The following THSD7B variants were observed in gnomAD, a reference collection of about 807,000 sequenced individuals.
THSD7B encodes thrombospondin type 1 domain containing 7B.
In THSD7B, 138 loss-of-function variants were observed where a neutral mutation model predicts 213.6. The ratio of observed to expected loss-of-function variants is 0.65; its 90% CI spans 0.56 to 0.74. The LOEUF (loss-of-function observed/expected upper bound fraction) is 0.74. Ranked by LOEUF, THSD7B falls within the 30% of genes least tolerant of loss-of-function variation. The pLI is 0.00. For synonymous variants in THSD7B, 742 were observed against 687.0 expected, an observed-to-expected ratio of 1.08 and a Z score of -1.25; for missense variants, 1,931 against 1,991.5, an observed-to-expected ratio of 0.97 and a Z score of 0.58.
intron 10 of THSD7B, 104 bp from the exon 11 acceptor site, chr2:137,272,429 T>G: frequency 5.8e-6 from 7 of 1,208,928 alleles, no homozygotes; most frequent in Non-Finnish European, 7.8e-6. Context: ...ACTTTCCACA[T>G]GTGCTTACTT....
intron 5 of THSD7B, among the ~76,000 whole-genome samples, chr2:137,153,820 T>C (rs1379519396): frequency 1.3e-5 from 2 of 152,136 alleles, no homozygotes; most frequent in African/African-American, 4.8e-5. Context: ...AAGGGCAATA[T>C]TGTTTCTCAA....
chr2:137,312,285 T>C (rs1683934842), intron 12 of THSD7B, among the ~76,000 whole-genome samples: 1 of 152,182 alleles, frequency 6.6e-6, no homozygotes. Flanking sequence ...TTTTCTAGTT[T>C]ATTTGCGTAG....
At chr2:136,769,821 GA>G (rs1338298302) in intron 1 of THSD7B, among the ~76,000 whole-genome samples, 2 of 151,984 alleles carry the variant, frequency 1.3e-5, no homozygotes, top group Non-Finnish European at 2.9e-5. Context: ...GTGAAAGTGT[GA>G]AAATGTTTCC....
chr2:137,388,343 G>C (rs774740870), intron 12 of THSD7B, among the ~76,000 whole-genome samples: 3 of 148,164 alleles, frequency 2.0e-5, no homozygotes, highest in Non-Finnish European at 4.5e-5. Flanking sequence ...AAAAGTAACA[G>C]TAAAAAAAAA....
chr2:137,473,685 G>A (rs1412046340), intron 15 of THSD7B, among the ~76,000 whole-genome samples: 2 of 152,198 alleles, frequency 1.3e-5, no homozygotes, highest in East Asian at 1.9e-4. Context: ...GTACAGTTCT[G>A]TGCCACTCTT....
chr2:137,515,028 C>T lies in THSD7B; in HGVS notation c.3139-48193C>T, dbSNP rs181254918. The stretch of plus-strand genomic sequence containing the variant: ...AGAGTCTTATCTCCTGTAGAGAAAG[C>T]GCTGAAATTTTGGAACACCAGACAC... On this transcript the variant is annotated intron_variant, in intron 15 of 27. Transcript: ENST00000409968. Among the ~76,000 whole-genome samples, 211 of 152,226 alleles carry T rather than the reference C, an allele frequency of 1.4e-3. 1 individual carries two copies. Among genetic ancestry groups the T allele is most frequent in the Non-Finnish European group, 5.1e-4 (35 of 68,020 alleles).
At chr2:136,995,965 A>G (rs1377742780) in intron 2 of THSD7B, among the ~76,000 whole-genome samples, 1 of 152,202 alleles carries the variant, frequency 6.6e-6, no homozygotes, top group Non-Finnish European at 1.5e-5. Context: ...AGCTCTCACT[A>G]CTTGATCCAC....
rs1222423395 is a variant in THSD7B at position 137,012,277 on chromosome 2, A to G, written c.140-44143A>G. Reference sequence around the variant, plus strand: ...AGAAATTATCAGTCTAGGATGATCCAGAGTTTGGGGAGTCTGACCACTTTA... The same window carrying G: ...AGAAATTATCAGTCTAGGATGATCCGGAGTTTGGGGAGTCTGACCACTTTA... On this transcript the variant is annotated intron_variant, in intron 2 of 27. Transcript: ENST00000409968. 2.0e-5 allele frequency among the ~76,000 whole-genome samples: 3 copies of G among 152,230 alleles called. No homozygotes were observed. The East Asian group carries it at 5.8e-4, about 29-fold the overall frequency.
intron 2 of THSD7B, among the ~76,000 whole-genome samples, chr2:136,996,924 G>A (rs1258958440): frequency 6.6e-6 from 1 of 151,954 alleles, no homozygotes; most frequent in East Asian, 1.9e-4. Context: ...TTGGAGAGTG[G>A]GTTATCTTTA....
At chr2:137,133,732 C>T (rs1225692597) in intron 5 of THSD7B, among the ~76,000 whole-genome samples, 1 of 152,122 alleles carries the variant, frequency 6.6e-6, no homozygotes, top group Non-Finnish European at 1.5e-5. Context: ...AATTAATTTT[C>T]CTAGTGTATT....
At chr2:136,816,954 TATTA>T (rs1374426902) in intron 1 of THSD7B, among the ~76,000 whole-genome samples, 3 of 152,208 alleles carry the variant, frequency 2.0e-5, no homozygotes, top group African/African-American at 4.8e-5. Flanking sequence ...TGAACTTTCT[TATTA>T]ATTCTAAAAG....
chr2:137,675,675 G>A (rs777679628), intron 27 of THSD7B, among the ~76,000 whole-genome samples: 1 of 151,954 alleles, frequency 6.6e-6, no homozygotes, highest in Admixed American at 6.6e-5. Flanking sequence ...AGTATGCATC[G>A]AATAAGCAAT....
chr2:136,977,301 T>C (rs1685496869), intron 2 of THSD7B, among the ~76,000 whole-genome samples: 1 of 152,200 alleles, frequency 6.6e-6, no homozygotes, highest in African/African-American at 2.4e-5. Flanking sequence ...CCTTTATCAT[T>C]TTTTATTGTA....
In THSD7B at chr2:137,438,434, C is replaced by T. The variant is rs550517921; in HGVS notation, c.2960-12411C>T. Among the ~76,000 whole-genome samples, 4 of 152,176 alleles carry T rather than the reference C, an allele frequency of 2.6e-5. 1 individual carries two copies. Among genetic ancestry groups the T allele is most frequent in the African/African-American group, 9.6e-5 (4 of 41,528 alleles). ...ATTTGATAGCATTTTCTATAAAAGT[C>T]TAGATAGTATATATATTCAACTTTG... On this transcript the variant is annotated intron_variant, in intron 14 of 27. Coordinates refer to ENST00000409968, the MANE Select transcript of THSD7B (RefSeq NM_001316349.2).
At chr2:136,983,503 T>C (rs1416410299) in intron 2 of THSD7B, among the ~76,000 whole-genome samples, 2 of 77,182 alleles carry the variant, frequency 2.6e-5, no homozygotes, top group Non-Finnish European at 4.8e-5. Flanking sequence ...GTAAAATCTG[T>C]TTTTTTTTTT....
At chr2:137,347,969 C>CA (rs796129854) in intron 12 of THSD7B, among the ~76,000 whole-genome samples, 3,078 of 139,968 alleles carry the variant, frequency 0.022, 90 homozygotes, top group African/African-American at 0.066. Flanking sequence ...GCCTCATTTT[C>CA]AAAAAAAAAA....
rs182880586 is a variant in THSD7B at position 137,579,579 on chromosome 2, C to A, written c.3423+7023C>A. Reference sequence around the variant, plus strand: ...TGTTGATTCTGTATCTCTGGAGAACCCTAATATAGACGGGTTAATTACTGA... The same window carrying A: ...TGTTGATTCTGTATCTCTGGAGAACACTAATATAGACGGGTTAATTACTGA... On this transcript the variant is annotated intron_variant, in intron 17 of 27. Coordinates refer to ENST00000409968, the MANE Select transcript of THSD7B (RefSeq NM_001316349.2). Among the ~76,000 whole-genome samples, 7 of 152,212 alleles carry A rather than the reference C, an allele frequency of 4.6e-5. No homozygotes were observed. The East Asian group carries it at 1.4e-3, about 29-fold the overall frequency.
intron 2 of THSD7B, among the ~76,000 whole-genome samples, chr2:137,011,030 A>G (rs982651350): frequency 6.6e-6 from 1 of 152,152 alleles, no homozygotes; most frequent in Non-Finnish European, 1.5e-5. Context: ...TTAGCCTTTC[A>G]TTAGTAGAAC....
At chr2:137,287,333 C>G (rs1683204278) in intron 12 of THSD7B, among the ~76,000 whole-genome samples, 1 of 152,048 alleles carries the variant, frequency 6.6e-6, no homozygotes. Context: ...ATTAAAATAT[C>G]TTCAGATTAT....
Sources: allele counts gnomAD v4.1 joint callset (sites outside exome capture counted in the v4.1 genomes callset), GRCh38; gene constraint gnomAD v4.1.1; transcripts MANE v1.5; gene names NCBI Gene and HGNC (gene_info 2026-07-23, HGNC 2026-07-21).